The following GRID2 variants were observed in gnomAD, a reference collection of about 807,000 sequenced individuals.
The protein encoded by GRID2 is glutamate ionotropic receptor delta type subunit 2.
GRID2 carries 33 observed loss-of-function variants against 114.8 expected under a neutral mutation model. The observed-to-expected ratio is 0.29, with a 90% CI of 0.22 to 0.38. GRID2 has a LOEUF of 0.38. Ranked by LOEUF, GRID2 falls within the 10% of genes least tolerant of loss-of-function variation. GRID2 has a pLI of 1.00. For missense variants in GRID2, 1,184 were observed against 1,257.7 expected (o/e 0.94, Z 0.89); for synonymous variants, 505 against 449.9 (o/e 1.12, Z -1.55).
intron 13 of GRID2, among the ~76,000 whole-genome samples, chr4:93,579,407 C>T (rs889812419): frequency 6.6e-6 from 1 of 152,002 alleles, no homozygotes; most frequent in Non-Finnish European, 1.5e-5. Context: ...AACTGCAAAA[C>T]TTTAGGTGAT....
intron 2 of GRID2, among the ~76,000 whole-genome samples, chr4:92,795,508 T>C (rs536326158): frequency 3.9e-5 from 6 of 152,066 alleles, no homozygotes; most frequent in Admixed American, 3.3e-4. Flanking sequence ...AGCCTGAAAA[T>C]GGACTAATGG....
intron 6 of GRID2, chr4:93,217,382 G>T (rs1000095894): frequency 6.5e-6 from 1 of 153,244 alleles, no homozygotes; most frequent in African/African-American, 2.4e-5. Context: ...ATCCAACTCC[G>T]AGAGGATATA....
chr4:92,514,440 GT>G, intron 1 of GRID2, among the ~76,000 whole-genome samples: 1 of 151,842 alleles, frequency 6.6e-6, no homozygotes, highest in South Asian at 2.1e-4. Flanking sequence ...TACATTTTTA[GT>G]TTTTAAGATA....
intron 2 of GRID2, among the ~76,000 whole-genome samples, chr4:93,039,801 G>T (rs144120885): frequency 1.3e-5 from 2 of 152,230 alleles, no homozygotes; most frequent in East Asian, 3.9e-4. Flanking sequence ...TCTGTACATG[G>T]GTTAATAACA....
intron 4 of GRID2, among the ~76,000 whole-genome samples, chr4:93,196,056 G>A (rs1412528774): frequency 6.6e-6 from 1 of 152,128 alleles, no homozygotes; most frequent in African/African-American, 2.4e-5. Flanking sequence ...AACACCGTAA[G>A]GTAATTTTTC....
intron 2 of GRID2, among the ~76,000 whole-genome samples, chr4:92,596,110 A>G (rs765378191): frequency 2.6e-5 from 4 of 152,154 alleles, no homozygotes; most frequent in African/African-American, 9.7e-5. Flanking sequence ...ACCAATTTTG[A>G]TAACTTCAAT....
At chr4:93,119,970 A>T (rs1733627618) in intron 4 of GRID2, among the ~76,000 whole-genome samples, 1 of 152,212 alleles carries the variant, frequency 6.6e-6, no homozygotes, top group Admixed American at 6.5e-5. Flanking sequence ...AGATGGACAG[A>T]TCGCAAAAAT....
chr4:92,863,290 T>G (rs1307827913), intron 2 of GRID2, among the ~76,000 whole-genome samples: 1 of 152,182 alleles, frequency 6.6e-6, no homozygotes, highest in Non-Finnish European at 1.5e-5. Flanking sequence ...AATATAATTT[T>G]GCACTGTCCT....
At chr4:92,847,228 C>T (rs1330394119) in intron 2 of GRID2, among the ~76,000 whole-genome samples, 1 of 151,970 alleles carries the variant, frequency 6.6e-6, no homozygotes, top group African/African-American at 2.4e-5. Flanking sequence ...TCCTTTGGAG[C>T]CTTGCCTAAA....
chr4:93,408,336 G>A (rs1215520431), intron 9 of GRID2, among the ~76,000 whole-genome samples: 1 of 151,560 alleles, frequency 6.6e-6, no homozygotes, highest in East Asian at 1.9e-4. Context: ...CATATGCTGA[G>A]AAATGCAAGA....
At chr4:93,132,402 CT>C (rs1406247386) in intron 4 of GRID2, among the ~76,000 whole-genome samples, 33 of 152,304 alleles carry the variant, frequency 2.2e-4, no homozygotes, top group African/African-American at 7.5e-4. Flanking sequence ...ATCTAGGGAA[CT>C]GTACCATTCT....
intron 8 of GRID2, among the ~76,000 whole-genome samples, chr4:93,256,753 A>G (rs1052465225): frequency 2.0e-5 from 3 of 152,130 alleles, no homozygotes; most frequent in Admixed American, 2.0e-4. Context: ...GACCAAATAC[A>G]TTCTATATTA....
chr4:93,050,055 T>C (rs1726542357), intron 2 of GRID2, among the ~76,000 whole-genome samples: 5 of 152,094 alleles, frequency 3.3e-5, no homozygotes, highest in Admixed American at 3.3e-4. Flanking sequence ...GTAAATATTT[T>C]TAAGTTGTTT....
At chr4:92,841,063 G>A (rs528845906) in intron 2 of GRID2, among the ~76,000 whole-genome samples, 2 of 151,992 alleles carry the variant, frequency 1.3e-5, no homozygotes, top group Admixed American at 1.3e-4. Context: ...GATATGGATG[G>A]TTTATGTGAG....
chr4:93,570,162 A>G (rs1258467981), intron 13 of GRID2, among the ~76,000 whole-genome samples: 2 of 152,164 alleles, frequency 1.3e-5, no homozygotes, highest in South Asian at 4.1e-4. Context: ...ATAAGGCTTT[A>G]TATATTACTT....
Position 92,453,554 on chromosome 4 carries a change from G to T in GRID2, c.89-136577G>T, listed in dbSNP as rs78587078. ...ATGTACATGTTGAAACATATTCGTT[G>T]TGTTACTCTTATGCATATAAAGTTA... On this transcript the variant is annotated intron_variant, in intron 1 of 15. Coordinates refer to ENST00000282020, the MANE Select transcript of GRID2 (RefSeq NM_001510.4). Among the ~76,000 whole-genome samples the T allele has an allele frequency of 4.7e-4, 72 of 152,186 alleles. No homozygotes were observed. In the East Asian group the frequency reaches 0.013, roughly 28 times the overall value.
intron 11 of GRID2, among the ~76,000 whole-genome samples, chr4:93,479,259 G>T (rs1365877879): frequency 1.3e-5 from 2 of 152,082 alleles, no homozygotes; most frequent in African/African-American, 2.4e-5. Flanking sequence ...AGCATGTACT[G>T]CTGGAAAAAT....
intron 8 of GRID2, among the ~76,000 whole-genome samples, chr4:93,341,136 A>G (rs1048947163): frequency 6.6e-6 from 1 of 152,192 alleles, no homozygotes; most frequent in African/African-American, 2.4e-5. Flanking sequence ...TTTAAATGAT[A>G]AAAACATATC....
chr4:92,820,313 A>G (rs985234783), intron 2 of GRID2, among the ~76,000 whole-genome samples: 3 of 152,164 alleles, frequency 2.0e-5, no homozygotes, highest in African/African-American at 4.8e-5. Flanking sequence ...GGACCAGTGC[A>G]ATGCTGTGAA....
Sources: gnomAD v4.1 joint callset for allele counts (sites outside exome capture counted in the v4.1 genomes callset) on GRCh38, gnomAD v4.1.1 for gene constraint, MANE v1.5 for transcripts, NCBI Gene and HGNC (gene_info 2026-07-23, HGNC 2026-07-21) for gene names.